GYPC: variants seen among roughly 807,000 people sequenced by gnomAD.
GYPC encodes glycophorin C (Gerbich blood group).
A neutral mutation model predicts 12.6 loss-of-function variants in GYPC; 14 were observed. The observed-to-expected ratio is 1.11, with a 90% CI of 0.74 to 1.74. GYPC has a LOEUF of 1.74. Ranked by LOEUF, GYPC falls within the 40% of genes most tolerant of loss-of-function variation. GYPC has a pLI of 0.00. For missense variants in GYPC, 225 were observed against 172.1 expected, an observed-to-expected ratio of 1.31 and a Z score of -1.72; for synonymous variants, 78 against 62.1, an observed-to-expected ratio of 1.26 and a Z score of -1.20.
At chr2:126,675,615 C>T in intron 1 of GYPC, 1 of 841,276 alleles carries the variant, frequency 1.2e-6, no homozygotes, top group Non-Finnish European at 1.4e-6. Context: ...CATCCCTACC[C>T]TGCTTCAAAA....
intron 1 of GYPC, among the ~76,000 whole-genome samples, chr2:126,675,446 A>T (rs1437115906): frequency 6.6e-6 from 1 of 151,856 alleles, no homozygotes; most frequent in Admixed American, 6.6e-5. Context: ...TCCTGCTTAA[A>T]CCCCAAATTC....
intron 1 of GYPC, among the ~76,000 whole-genome samples, chr2:126,660,035 ACTGAGGGCGCAGCCAGG>A (rs2104767588): frequency 1.3e-5 from 2 of 152,254 alleles, no homozygotes; most frequent in Admixed American, 1.3e-4. Context: ...GCACCCAGAC[ACTGAGGGCGCAGCCAGG>A]CTGTAGTTAC....
At chr2:126,672,414 AAC>A (rs1371390805) in intron 1 of GYPC, among the ~76,000 whole-genome samples, 7 of 152,054 alleles carry the variant, frequency 4.6e-5, no homozygotes, top group African/African-American at 9.7e-5. Context: ...CACACACACA[AAC>A]ACACACATAC....
intron 1 of GYPC, among the ~76,000 whole-genome samples, chr2:126,688,196 C>T (rs936185347): frequency 3.3e-5 from 5 of 152,206 alleles, no homozygotes; most frequent in South Asian, 2.1e-4. Flanking sequence ...ACAGTCCCTT[C>T]TAACCCTGAT....
chr2:126,686,061 G>C (rs1316343277), intron 1 of GYPC: 2 of 984,972 alleles, frequency 2.0e-6, no homozygotes, highest in Admixed American at 1.2e-4. Flanking sequence ...ATGGCAGAGG[G>C]GAGCCATAGG....
chr2:126,677,961 C>T (rs1683052773), intron 1 of GYPC, among the ~76,000 whole-genome samples: 1 of 152,242 alleles, frequency 6.6e-6, no homozygotes, highest in Non-Finnish European at 1.5e-5. Flanking sequence ...GCGGCTCACG[C>T]CTGTAATCCC....
chr2:126,687,525 C>A (rs755515), intron 1 of GYPC, among the ~76,000 whole-genome samples: 1 of 152,074 alleles, frequency 6.6e-6, no homozygotes, highest in Non-Finnish European at 1.5e-5. Context: ...TCTGATCTAT[C>A]AATATAGGGC....
chr2:126,693,722 G>T, intron 2 of GYPC, 142 bp from the exon 3 acceptor site: 1 of 727,396 alleles, frequency 1.4e-6, no homozygotes. Context: ...TAGGAGCAGT[G>T]GGTGCGCCGC....
chr2:126,684,785 C>T (rs934995286), intron 1 of GYPC, among the ~76,000 whole-genome samples: 3 of 152,160 alleles, frequency 2.0e-5, no homozygotes, highest in African/African-American at 7.2e-5. Context: ...ATCCTAGAGT[C>T]CTGGGGCTCA....
intron 1 of GYPC, chr2:126,675,500 C>G (rs1682973368): frequency 1.3e-5 from 2 of 158,730 alleles, no homozygotes; most frequent in East Asian, 3.9e-4. Flanking sequence ...CATACCCAGA[C>G]CCTTGTCTCT....
At position 126,690,422 on chromosome 2, in the gene GYPC, C is replaced by T. The variant is rs184185285; in HGVS notation, c.106+111C>T. ...GGGTTGGGGGACTTGGTGAAAACAT[C>T]CAGGGGAGAACTGACCTAAGGACTT... On this transcript the variant is annotated intron_variant, in intron 2 of 3. Coordinates refer to ENST00000259254, the MANE Select transcript of GYPC (RefSeq NM_002101.5). 1.9e-4 allele frequency: 157 copies of T among 831,644 alleles called. 1 individual carries two copies. The African/African-American group carries it at 2.4e-3, about 13-fold the overall frequency. The allele number at this position is 831,644 out of a possible 1,614,324, so 51.5% of individuals were successfully genotyped here.
chr2:126,686,123 T>C, intron 1 of GYPC: 1 of 985,134 alleles, frequency 1.0e-6, no homozygotes, highest in Non-Finnish European at 1.2e-6. Context: ...AAAGAGAACT[T>C]TTTAGCACAG....
In GYPC at chr2:126,696,262, C is replaced by T. The variant is rs375163778; in HGVS notation, c.*120C>T. ...GAGAGAGAGAGCACTTGATTCTTCC[C>T]GAGATAGCCACCTGGAAACACTAGG... On this transcript the variant is annotated 3_prime_UTR_variant, in exon 4 of 4. Transcript: ENST00000259254. 1.9e-4 allele frequency: 150 copies of T among 798,966 alleles called. 1 individual carries two copies. Among genetic ancestry groups the T allele is most frequent in the East Asian group, 1.2e-3 (44 of 37,410 alleles). The allele number at this position is 798,966 out of a possible 1,614,324, so 49.5% of individuals were successfully genotyped here.
intron 1 of GYPC, among the ~76,000 whole-genome samples, chr2:126,673,050 G>C (rs190242058): frequency 1.3e-5 from 2 of 151,938 alleles, no homozygotes; most frequent in African/African-American, 4.8e-5. Context: ...CTAATACCCA[G>C]AAGGGTATTG....
intron 1 of GYPC, among the ~76,000 whole-genome samples, chr2:126,662,391 C>G (rs371917446): frequency 2.6e-5 from 4 of 152,254 alleles, no homozygotes; most frequent in Admixed American, 6.5e-5. Flanking sequence ...TTCAGGTTCC[C>G]CTTCTGTATT....
intron 1 of GYPC, chr2:126,686,273 G>C (rs1312122645): frequency 1.0e-6 from 1 of 985,622 alleles, no homozygotes; most frequent in Non-Finnish European, 1.2e-6. Flanking sequence ...CATTGCAACT[G>C]AGGTTCTGCA....
At chr2:126,693,370 G>A (rs1333697171) in intron 2 of GYPC, among the ~76,000 whole-genome samples, 1 of 152,134 alleles carries the variant, frequency 6.6e-6, no homozygotes, top group African/African-American at 2.4e-5. Flanking sequence ...AGATGCAGCT[G>A]CCCAATTTGG....
intron 1 of GYPC, among the ~76,000 whole-genome samples, chr2:126,680,587 T>A (rs972302366): frequency 3.9e-5 from 6 of 152,098 alleles, no homozygotes; most frequent in African/African-American, 1.4e-4. Context: ...TCTGACCTGC[T>A]CCCTGAGAGG....
At chr2:126,692,289 C>T (rs903397943) in intron 2 of GYPC, among the ~76,000 whole-genome samples, 1 of 152,102 alleles carries the variant, frequency 6.6e-6, no homozygotes, top group Non-Finnish European at 1.5e-5. Context: ...CCTCCAAGCT[C>T]CTTGGTGGCC....
Sources: gnomAD v4.1 joint callset for allele counts (sites outside exome capture counted in the v4.1 genomes callset) on GRCh38, gnomAD v4.1.1 for gene constraint, MANE v1.5 for transcripts, NCBI Gene and HGNC (gene_info 2026-07-23, HGNC 2026-07-21) for gene names.